Variants in ABHD2 observed in about 807,000 individuals in gnomAD.
The protein encoded by ABHD2 is monoacylglycerol lipase ABHD2.
In ABHD2, 20 loss-of-function variants were observed where a neutral mutation model predicts 48.1. The observed-to-expected ratio is 0.42, with a 90% CI of 0.29 to 0.60. The LOEUF (loss-of-function observed/expected upper bound fraction) is 0.60, where lower values mean the gene tolerates loss of function less well. Ranked by LOEUF, ABHD2 falls within the 20% of genes least tolerant of loss-of-function variation. The pLI, the probability that ABHD2 is intolerant of heterozygous loss-of-function variation, is 0.24. For missense variants in ABHD2, 405 were observed against 550.9 expected (o/e 0.74, Z 2.65); for synonymous variants, 209 against 214.2 (o/e 0.98, Z 0.21).
At chr15:89,054,654 T>G in the ABHD2 span, among the ~76,000 whole-genome samples, 2 of 151,070 alleles carry the variant, frequency 1.3e-5, no homozygotes, top group East Asian at 1.9e-4. Context: ...TACTCTAGCC[T>G]GGGCAACTGA....
chr15:89,067,182 G>GTA, the ABHD2 span, among the ~76,000 whole-genome samples: 1 of 152,206 alleles, frequency 6.6e-6, no homozygotes, highest in Non-Finnish European at 1.5e-5. Context: ...TAGTATGGAG[G>GTA]CTGCTAAGGC....
rs2050996304 is a variant in ABHD2 at position 89,175,398 on chromosome 15, C to G, written c.539-414C>G. Among the ~76,000 whole-genome samples the G allele has an allele frequency of 6.6e-6, 1 of 151,964 alleles. No individual in the cohort carries two copies. The highest frequency in any genetic ancestry group is 2.4e-5 in the African/African-American group (1 of 41,372). On this transcript the variant is annotated intron_variant, in intron 5 of 10. Coordinates refer to ENST00000352732, the MANE Select transcript of ABHD2 (RefSeq NM_152924.5). The surrounding 1 kb of genome is among the most constrained non-coding windows in gnomAD (Gnocchi z 5.7). ...CACCTGTAGTGTGTAGAGGTGGGGT[C>G]TCACCATTTTGTCCAGGCTGGCCTA...
chr15:89,097,389 C>T lies in ABHD2; in HGVS notation c.-107+8826C>T, dbSNP rs941509678. ...ACTCTTTGAAAAATTAACACTAATC[C>T]TTTAATATCATCAAATATCATCATT... On this transcript the variant is annotated intron_variant, in intron 1 of 10. Transcript: ENST00000352732. The surrounding 1 kb of genome is among the most constrained non-coding windows in gnomAD (Gnocchi z 4.2). 1.2e-4 allele frequency among the ~76,000 whole-genome samples: 19 copies of T among 152,132 alleles called. No homozygotes were observed. The highest frequency in any genetic ancestry group is 8.8e-5 in the Non-Finnish European group (6 of 68,030).
chr15:89,175,815 G>A lies in ABHD2; in HGVS notation c.542G>A (p.Cys181Tyr), dbSNP rs1479311808. Residue 181 changes from cysteine (C) to tyrosine (Y), a missense_variant, in exon 6 of 11, where the codon TGC becomes TAC. Transcript: ENST00000352732. The surrounding 1 kb of genome is among the most constrained non-coding windows in gnomAD (Gnocchi z 5.7). ...AATCTCACCCTTTTGCCCACAGGCTGCACGTGGGAATTTGGAGCCATGGTG... is the reference window on the plus strand; with the variant it reads ...AATCTCACCCTTTTGCCCACAGGCTACACGTGGGAATTTGGAGCCATGGTG... ...LTSPRMFTYG[C>Y]TWEFGAMVNY... is the part of the protein sequence containing the mutation. 1 of 1,613,908 alleles carries A rather than the reference G, an allele frequency of 6.2e-7. No individual in the cohort carries two copies. Among genetic ancestry groups the A allele is most frequent in the Non-Finnish European group, 8.5e-7 (1 of 1,179,968 alleles).
Position 89,175,223 on chromosome 15 carries a change from T to C in ABHD2, c.539-589T>C, listed in dbSNP as rs2150927141. Among the ~76,000 whole-genome samples the C allele has an allele frequency of 6.6e-6, 1 of 152,316 alleles. No individual in the cohort carries two copies. The highest frequency in any genetic ancestry group is 6.5e-5 in the Admixed American group (1 of 15,308). On this transcript the variant is annotated intron_variant, in intron 5 of 10. Transcript: ENST00000352732. This position sits in a 1 kb window ranked among gnomAD's most constrained non-coding sequence, Gnocchi z 5.7. ...TTTTGCTCTTGCATTTATTTATTTA[T>C]TTACTTATTTTATTTTTTTGAGACA...
At chr15:89,056,163 T>G in the ABHD2 span, among the ~76,000 whole-genome samples, 1 of 152,236 alleles carries the variant, frequency 6.6e-6, no homozygotes, top group Non-Finnish European at 1.5e-5. Context: ...TGATTTTTGC[T>G]TTTAATTAAA....
chr15:89,068,614 C>T, the ABHD2 span, among the ~76,000 whole-genome samples: 11 of 152,160 alleles, frequency 7.2e-5, no homozygotes, highest in African/African-American at 1.4e-4. Flanking sequence ...GAAGGTGTCC[C>T]GAGAAAGCAA....
chr15:89,084,783 G>A (rs1419756253), upstream of ABHD2, among the ~76,000 whole-genome samples: 1 of 152,148 alleles, frequency 6.6e-6, no homozygotes, highest in African/African-American at 2.4e-5. The surrounding 1 kb of genome is among the most constrained non-coding windows in gnomAD (Gnocchi z 4.4). Flanking sequence ...GCCAGGTACT[G>A]TTTGATGCAC....
rs892562671 is a variant in ABHD2 at position 89,116,004 on chromosome 15, C to T, written c.-6-318C>T. On this transcript the variant is annotated intron_variant, in intron 2 of 10. Transcript: ENST00000352732. This position sits in a 1 kb window ranked among gnomAD's most constrained non-coding sequence, Gnocchi z 4.6. ...CCTCTTCGACTGATCTTATTTTTCC[C>T]CCTCCGATAAAGGACACTATTCTTA... 6.6e-6 allele frequency among the ~76,000 whole-genome samples: 1 copy of T among 152,216 alleles called. No individual in the cohort carries two copies. The highest frequency in any genetic ancestry group is 2.4e-5 in the African/African-American group (1 of 41,450).
At chr15:89,109,172 AG>A (rs778930382) in intron 1 of ABHD2, among the ~76,000 whole-genome samples, 11 of 152,188 alleles carry the variant, frequency 7.2e-5, no homozygotes, top group Admixed American at 2.0e-4. Context: ...AGGGGAGAGC[AG>A]AAAGAGGCAT....
Position 89,197,865 on chromosome 15 carries a change from A to G in ABHD2, c.*2442A>G, listed in dbSNP as rs2150961336. 1 of 152,308 alleles carries G rather than the reference A, an allele frequency of 6.6e-6. No homozygotes were observed. The highest frequency in any genetic ancestry group is 1.9e-4 in the East Asian group (1 of 5,184). 9.4% of individuals were successfully genotyped at this position (152,308 alleles called of 1,614,324 possible). On this transcript the variant is annotated 3_prime_UTR_variant, in exon 11 of 11. Transcript: ENST00000352732. This position sits in a 1 kb window ranked among gnomAD's most constrained non-coding sequence, Gnocchi z 4.4. The stretch of plus-strand genomic sequence containing the variant: ...GTGTGTGGCTCTGAATGGCACTCAC[A>G]TTCCATTTTGGCTCACATGAAACTA...
chr15:89,183,323 G>GC (rs1267814561), intron 6 of ABHD2: 3 of 130,390 alleles, frequency 2.3e-5, no homozygotes, highest in African/African-American at 5.5e-5. Context: ...TTCTTTTACT[G>GC]CCTTTCAGTT....
At chr15:89,123,325 C>T (rs2050080765) in intron 3 of ABHD2, among the ~76,000 whole-genome samples, 1 of 152,170 alleles carries the variant, frequency 6.6e-6, no homozygotes, top group African/African-American at 2.4e-5. Flanking sequence ...AGTACAAGCT[C>T]CAAACGGAAA....
chr15:89,112,349 A>G (rs1312055182), intron 1 of ABHD2, among the ~76,000 whole-genome samples: 1 of 152,216 alleles, frequency 6.6e-6, no homozygotes, highest in Non-Finnish European at 1.5e-5. Flanking sequence ...TGCCAGCTGA[A>G]TGCAACACTG....
the ABHD2 span, among the ~76,000 whole-genome samples, chr15:89,055,694 T>C: frequency 6.6e-6 from 1 of 152,112 alleles, no homozygotes; most frequent in South Asian, 2.1e-4. Context: ...ACCCTGGATG[T>C]CTACCAATAT....
Position 89,188,259 on chromosome 15 carries a change from C to T in ABHD2, c.882C>T (p.Leu294=), listed in dbSNP as rs764438488. Residue 294 remains leucine (L), a synonymous_variant, in exon 8 of 11, where the codon CTC becomes CTT. Transcript: ENST00000352732. The surrounding 1 kb of genome is among the most constrained non-coding windows in gnomAD (Gnocchi z 4.1). ...QSLEDTDLSR[L]YTATSLMQID... is the part of the protein sequence containing the mutation. Reference sequence around the variant, plus strand: ...TGGAAGACACGGACTTGAGCCGGCTCTACACAGCAACATCCCTGATGCAGA... The same window carrying T: ...TGGAAGACACGGACTTGAGCCGGCTTTACACAGCAACATCCCTGATGCAGA... 1.2e-6 allele frequency: 2 copies of T among 1,614,240 alleles called. No individual in the cohort carries two copies. The highest frequency in any genetic ancestry group is 2.2e-5 in the East Asian group (1 of 44,870).
At chr15:89,043,625 A>AAGGAGGAGGAGGAGGAGGAAGGAGAAGG in the ABHD2 span, among the ~76,000 whole-genome samples, 2 of 131,038 alleles carry the variant, frequency 1.5e-5, no homozygotes, top group African/African-American at 5.7e-5. Flanking sequence ...GAGGAGGCGG[A>AAGGAGGAGGAGGAGGAGGAAGGAGAAGG]AGGAGGAGGA....
chr15:89,125,645 A>T (rs2050119713), intron 3 of ABHD2, among the ~76,000 whole-genome samples: 1 of 152,214 alleles, frequency 6.6e-6, no homozygotes, highest in Admixed American at 6.5e-5. Context: ...GACTGTCAGT[A>T]CTAATACCGG....
chr15:89,081,653 G>T, the ABHD2 span, among the ~76,000 whole-genome samples: 1 of 152,106 alleles, frequency 6.6e-6, no homozygotes. Flanking sequence ...AATCACTTGA[G>T]GTCAGGAATT....
Sources: allele counts gnomAD v4.1 joint callset (sites outside exome capture counted in the v4.1 genomes callset), GRCh38; gene constraint gnomAD v4.1.1; non-coding constraint Gnocchi (gnomAD v3.1); transcripts MANE v1.5; gene names NCBI Gene and HGNC (gene_info 2026-07-23, HGNC 2026-07-21).